The following SRRT variants were observed in gnomAD, a reference collection of about 807,000 sequenced individuals.
SRRT encodes serrate, RNA effector molecule, also known as serrate RNA effector molecule homolog.
A neutral mutation model predicts 103.2 loss-of-function variants in SRRT; 32 were observed. The observed-to-expected ratio is 0.31, with a 90% CI of 0.23 to 0.42. SRRT has a LOEUF of 0.42. Ranked by LOEUF, SRRT falls within the 10% of genes least tolerant of loss-of-function variation. The probability of loss-of-function intolerance (pLI) is 1.00; values close to 1 mark genes in which losing one functional copy is unlikely to be tolerated. For synonymous variants in SRRT, 525 were observed against 449.0 expected (o/e 1.17, Z -2.14); for missense variants, 986 against 1,207.5 (o/e 0.82, Z 2.72).
In SRRT at chr7:100,884,757, T is replaced by C. The variant is rs1333816030; in HGVS notation, c.960T>C (p.Ser320=). The change falls in exon 8 of 20, where the codon TCT becomes TCC. Residue 320 remains serine, a synonymous_variant. Coordinates refer to ENST00000611405, the MANE Select transcript of SRRT (RefSeq NM_015908.6). ...EDGKQAENDS[S]NDDKTKKSEG... ...TACCATAGGCTGAGAATGACAGTTC[T>C]AATGATGACAAAACAAAGAAGTCGG... 1 of 1,613,830 alleles carries C rather than the reference T, an allele frequency of 6.2e-7. No individual in the cohort carries two copies. Among genetic ancestry groups the C allele is most frequent in the Non-Finnish European group, 8.5e-7 (1 of 1,179,948 alleles).
Position 100,888,570 on chromosome 7 carries a change from C to T in SRRT, c.*21C>T. The T allele has an allele frequency of 6.2e-7, 1 of 1,613,866 alleles. No individual in the cohort carries two copies. Among genetic ancestry groups the T allele is most frequent in the Non-Finnish European group, 8.5e-7 (1 of 1,179,754 alleles). ...TTTGAGCCGTCCCCCGTTCCTCAGT[C>T]CTGTATCATCCATACTTGTACTACC... On this transcript the variant is annotated 3_prime_UTR_variant, in exon 20 of 20. Transcript: ENST00000611405.
chr7:100,887,021 T>C lies in SRRT; in HGVS notation c.1822-26T>C, dbSNP rs1182907480. 13 of 1,612,920 alleles carry C rather than the reference T, an allele frequency of 8.1e-6. No homozygotes were observed. Among genetic ancestry groups the C allele is most frequent in the African/African-American group, 1.3e-5 (1 of 75,046 alleles). On this transcript the variant is annotated intron_variant, in intron 14 of 19. Transcript: ENST00000611405. The surrounding 1 kb of genome is among the most constrained non-coding windows in gnomAD (Gnocchi z 4.1). ...GGGCTCGGGCGGTGAGGGCAGGAGC[T>C]GAACGCTCGCATTCACTTCCCTTAG...
At chr7:100,883,446 C>G (rs914679952) in intron 5 of SRRT, among the ~76,000 whole-genome samples, 5 of 152,200 alleles carry the variant, frequency 3.3e-5, no homozygotes, top group African/African-American at 9.7e-5. Context: ...CCCTAACCTT[C>G]CAGCCCTCTC....
At position 100,888,465 on chromosome 7, in the gene SRRT, A is replaced by T. The variant is rs150287642; in HGVS notation, c.2556-9A>T. On this transcript the variant is annotated splice_polypyrimidine_tract_variant and intron_variant, in intron 19 of 19. Coordinates refer to ENST00000611405, the MANE Select transcript of SRRT (RefSeq NM_015908.6). ...CCTCAGCTCTCATCCTGTACCTCTC[A>T]CCTCACAGGATGGTTCGTGGAGACC... 3,135 of 1,613,742 alleles carry T rather than the reference A, an allele frequency of 1.9e-3. 97 individuals are homozygous for T. The Admixed American group carries it at 0.046, about 23-fold the overall frequency.
Position 100,885,734 on chromosome 7 carries a change from G to A in SRRT, c.1351G>A (p.Ala451Thr). Residue 451 changes from alanine (A) to threonine (T), a missense_variant, in exon 11 of 20, where the codon GCG (alanine) becomes ACG (threonine). Ala to Thr is a moderately conservative substitution (Grantham distance 58). Coordinates refer to ENST00000611405, the MANE Select transcript of SRRT (RefSeq NM_015908.6). The surrounding 1 kb of genome is among the most constrained non-coding windows in gnomAD (Gnocchi z 4.8). ...AAGGTACCCAGGCTTTATGCGGGTG[G>A]CGCTCTCAGAGCCCCAGCCAGAGAG... The part of the protein sequence containing the change: ...CKRYPGFMRV[A>T]LSEPQPERRF... 6.2e-7 allele frequency: 1 copy of A among 1,613,926 alleles called. No individual in the cohort carries two copies. The highest frequency in any genetic ancestry group is 1.1e-5 in the South Asian group (1 of 91,048).
chr7:100,883,523 TC>T (rs1202612765), intron 5 of SRRT, among the ~76,000 whole-genome samples: 4 of 152,212 alleles, frequency 2.6e-5, no homozygotes, highest in Non-Finnish European at 5.9e-5. Flanking sequence ...CTTCGGTCTT[TC>T]CTGTCCCTTC....
chr7:100,881,076 A>T (rs1361680405), intron 2 of SRRT, among the ~76,000 whole-genome samples: 1 of 135,120 alleles, frequency 7.4e-6, no homozygotes, highest in Non-Finnish European at 1.5e-5. Context: ...TGGCATATCC[A>T]GCTGTATCTT....
Position 100,882,433 on chromosome 7 carries a change from C to G in SRRT, c.587+192C>G, listed in dbSNP as rs1789670860. On this transcript the variant is annotated intron_variant, in intron 5 of 19. Transcript: ENST00000611405. This position sits in a 1 kb window ranked among gnomAD's most constrained non-coding sequence, Gnocchi z 4.2. Reference sequence around the variant, plus strand: ...CAACTGCCACGGCCCCCGCCCCGCCCTGTCTCCTGTCCTGCTGTCCTCAGA... The same window carrying G: ...CAACTGCCACGGCCCCCGCCCCGCCGTGTCTCCTGTCCTGCTGTCCTCAGA... 1 of 593,066 alleles carries G rather than the reference C, an allele frequency of 1.7e-6. No homozygotes were observed. Among genetic ancestry groups the G allele is most frequent in the African/African-American group, 1.9e-5 (1 of 53,516 alleles). 36.7% of individuals were successfully genotyped at this position (593,066 alleles called of 1,614,324 possible).
chr7:100,883,624 A>C (rs969177543), intron 5 of SRRT, among the ~76,000 whole-genome samples: 5 of 152,026 alleles, frequency 3.3e-5, no homozygotes, highest in Admixed American at 6.6e-5. Context: ...CTCGGGGTGG[A>C]GGGAGTTGGC....
Position 100,886,936 on chromosome 7 carries a change from A to G in SRRT, c.1789A>G (p.Ile597Val). The G allele has an allele frequency of 3.7e-6, 6 of 1,612,928 alleles. No homozygotes were observed. In the South Asian group the frequency reaches 5.5e-5, roughly 15 times the overall value. ...TCCTAAGGAAGGGAACCCGGCAGAG[A>G]TCAACGTGGAGCGGGATGAGAAGTT... ...EPPKEGNPAE[I>V]NVERDEKLIK... Residue 597 changes from isoleucine to valine, a missense_variant, in exon 14 of 20, where the codon ATC becomes GTC. This residue lies in a region of SRRT where 349 missense variants were observed against 446.9 expected (regional missense o/e 0.78). Transcript: ENST00000611405.
At chr7:100,879,493 A>G (rs1056233992) in intron 2 of SRRT, among the ~76,000 whole-genome samples, 7 of 152,188 alleles carry the variant, frequency 4.6e-5, no homozygotes, top group Non-Finnish European at 7.3e-5. Context: ...GATTGGTGAC[A>G]ATGTAAAAAC....
intron 2 of SRRT, 64 bp from the exon 3 acceptor site, chr7:100,881,221 T>G (rs1816284861): frequency 1.3e-6 from 2 of 1,556,716 alleles, no homozygotes; most frequent in Admixed American, 1.8e-5. Context: ...TCAAAAGTGC[T>G]TGGATTACAG....
chr7:100,886,985 G>A lies in SRRT; in HGVS notation c.1821+17G>A, dbSNP rs769610933. On this transcript the variant is annotated intron_variant, in intron 14 of 19. Coordinates refer to ENST00000611405, the MANE Select transcript of SRRT (RefSeq NM_015908.6). ...TTGATTAAGGTGCCAGTGGCAGCGC[G>A]GGGCACGTGGGGGCTCGGGCGGTGA... 8 of 1,609,220 alleles carry A rather than the reference G, an allele frequency of 5.0e-6. No individual in the cohort carries two copies. The highest frequency in any genetic ancestry group is 4.4e-5 in the South Asian group (4 of 90,870).
chr7:100,878,703 GTT>G (rs34773098), intron 2 of SRRT, among the ~76,000 whole-genome samples: 1 of 149,370 alleles, frequency 6.7e-6, no homozygotes. Context: ...CTGATTTTCT[GTT>G]TTTTTTTTGA....
At chr7:100,875,475 C>T (rs777852602) in intron 1 of SRRT, 98 bp from the exon 2 acceptor site, 11 of 1,565,692 alleles carry the variant, frequency 7.0e-6, no homozygotes, top group African/African-American at 2.7e-5. Flanking sequence ...GGAGGGCTGG[C>T]CTTGGCGGGA....
chr7:100,882,333 C>G lies in SRRT; in HGVS notation c.587+92C>G. On this transcript the variant is annotated intron_variant, in intron 5 of 19. Transcript: ENST00000611405. This position sits in a 1 kb window ranked among gnomAD's most constrained non-coding sequence, Gnocchi z 4.2. ...AGCCCTGTCCTCTTCCCAGTTTTCC[C>G]TGTCCAGAACTTTCTGGGGGCGGGG... 1 of 1,420,740 alleles carries G rather than the reference C, an allele frequency of 7.0e-7. No individual in the cohort carries two copies. The highest frequency in any genetic ancestry group is 1.3e-5 in the South Asian group (1 of 74,196). The allele number at this position is 1,420,740 out of a possible 1,614,324, so 88.0% of individuals were successfully genotyped here. A position where few individuals can be genotyped will look rare whatever the true frequency, so the allele number is the denominator to read the frequency against.
At position 100,884,370 on chromosome 7, in the gene SRRT, G is replaced by A. The variant is rs1789876026; in HGVS notation, c.760G>A (p.Val254Met). The part of the protein sequence containing the change: ...DAIVKMLDAA[V>M]IKMEGGTEND... ...ACCTCTGTTCCCTTTGTTGGTAGCC[G>A]TGATTAAGATGGAAGGAGGCACGGA... Residue 254 changes from valine (V) to methionine (M), a missense_variant and splice_region_variant, in exon 7 of 20, where the codon GTG becomes ATG. Around this residue, in one of 6 missense-constraint regions of SRRT, gnomAD observed 274 missense variants for 358.5 expected, o/e 0.76. Coordinates refer to ENST00000611405, the MANE Select transcript of SRRT (RefSeq NM_015908.6). 4 of 1,613,392 alleles carry A rather than the reference G, an allele frequency of 2.5e-6. No individual in the cohort carries two copies. The highest frequency in any genetic ancestry group is 1.6e-4 in the Middle Eastern group (1 of 6,084).
rs539649940 is a variant in SRRT, at chr7:100,882,152, G to C, written c.498G>C (p.Thr166=). 6.2e-7 allele frequency: 1 copy of C among 1,614,192 alleles called. No individual in the cohort carries two copies. The highest frequency in any genetic ancestry group is 2.2e-5 in the East Asian group (1 of 44,886). ...LLSLDDSVDE[T]EAVKRYNDYK... ...CCCTGGATGACTCGGTGGATGAGAC[G>C]GAGGCCGTCAAGCGCTATAATGACT... Residue 166 remains threonine (T), a synonymous_variant, in exon 5 of 20, where the codon ACG becomes ACC. Coordinates refer to ENST00000611405, the MANE Select transcript of SRRT (RefSeq NM_015908.6). The surrounding 1 kb of genome is among the most constrained non-coding windows in gnomAD (Gnocchi z 4.2).
chr7:100,881,563 G>C, intron 3 of SRRT, 96 bp from the exon 4 acceptor site: 1 of 1,581,404 alleles, frequency 6.3e-7, no homozygotes, highest in Middle Eastern at 1.7e-4. Context: ...ACCCTTGTCT[G>C]GGAGACCATG....
Sources: allele counts gnomAD v4.1 joint callset (sites outside exome capture counted in the v4.1 genomes callset), GRCh38; gene constraint gnomAD v4.1.1; regional missense constraint gnomAD v4.1.1; non-coding constraint Gnocchi (gnomAD v3.1); transcripts MANE v1.5; gene names NCBI Gene and HGNC (gene_info 2026-07-23, HGNC 2026-07-21).